DLG2: variants seen among roughly 807,000 people sequenced by gnomAD.
DLG2 encodes discs large MAGUK scaffold protein 2, also known as disks large homolog 2.
Under a neutral mutation model 132.5 loss-of-function variants are expected in DLG2, and 45 were observed. That is an observed-to-expected ratio of 0.34 (90% confidence interval 0.27 to 0.44). The LOEUF is 0.44. DLG2 is among the 20% of genes least tolerant of loss of function. The pLI is 1.00. For missense variants in DLG2, 1,045 were observed against 1,196.9 expected, an observed-to-expected ratio of 0.87 and a Z score of 1.87; for synonymous variants, 424 against 419.6, an observed-to-expected ratio of 1.01 and a Z score of -0.13.
At chr11:84,451,550 G>A (rs923828449) in intron 7 of DLG2, among the ~76,000 whole-genome samples, 4 of 151,700 alleles carry the variant, frequency 2.6e-5, no homozygotes, top group Non-Finnish European at 5.9e-5. Context: ...TGGAAAACTC[G>A]GGAGTATATA....
rs374494070 is a variant in DLG2, at chr11:83,860,737, G to A, written c.1565+13683C>T. 1.6e-3 allele frequency among the ~76,000 whole-genome samples: 247 copies of A among 152,290 alleles called. 1 individual carries two copies. The highest frequency in any genetic ancestry group is 5.0e-3 in the African/African-American group (207 of 41,558). On this transcript the variant is annotated intron_variant, in intron 16 of 27. Transcript: ENST00000376104. ...ACATGACATTTGGAAGGGGCCAGGC[G>A]TGGAATAATATGGCTTCACTGTGTC...
chr11:84,206,575 G>T (rs114191730), intron 8 of DLG2, among the ~76,000 whole-genome samples: 21 of 152,094 alleles, frequency 1.4e-4, no homozygotes, highest in African/African-American at 4.8e-4. Context: ...AAGAATACAA[G>T]GTGGGCTTAA....
At chr11:84,709,392 T>A (rs1228722721) in intron 6 of DLG2, among the ~76,000 whole-genome samples, 1 of 151,970 alleles carries the variant, frequency 6.6e-6, no homozygotes, top group African/African-American at 2.4e-5. Context: ...GGACTACATC[T>A]GAGAGAGTAA....
At chr11:83,683,928 C>A (rs1299920366) in intron 18 of DLG2, among the ~76,000 whole-genome samples, 1 of 152,110 alleles carries the variant, frequency 6.6e-6, no homozygotes, top group Non-Finnish European at 1.5e-5. Flanking sequence ...GCCCAGCTCA[C>A]TAGCTTCTCT....
intron 9 of DLG2, among the ~76,000 whole-genome samples, chr11:84,120,970 T>G (rs1201250791): frequency 6.6e-6 from 1 of 152,260 alleles, no homozygotes; most frequent in Non-Finnish European, 1.5e-5. Flanking sequence ...GATTGTAAGC[T>G]ACAACACTAC....
chr11:85,284,452 T>A (rs72950152), intron 4 of DLG2, among the ~76,000 whole-genome samples: 7,292 of 151,842 alleles, frequency 0.048, 223 homozygotes, highest in East Asian at 0.094. Flanking sequence ...AAACATCGAG[T>A]TGGCTACATG....
At chr11:84,043,014 A>T (rs1403047677) in intron 11 of DLG2, among the ~76,000 whole-genome samples, 2 of 151,824 alleles carry the variant, frequency 1.3e-5, no homozygotes, top group African/African-American at 4.8e-5. Context: ...TTAGTTGACT[A>T]CTGCTTATAT....
intron 7 of DLG2, among the ~76,000 whole-genome samples, chr11:84,287,405 G>A (rs976755485): frequency 1.3e-5 from 2 of 152,068 alleles, no homozygotes; most frequent in African/African-American, 2.4e-5. Flanking sequence ...GATAGTGTTG[G>A]GGGGCCAGGG....
chr11:85,157,985 CT>C (rs1205584657), intron 4 of DLG2, among the ~76,000 whole-genome samples: 5 of 152,066 alleles, frequency 3.3e-5, no homozygotes, highest in Admixed American at 3.3e-4. Context: ...ACACCCTCCC[CT>C]GAGGCAGTTG....
chr11:84,376,300 T>C (rs2098728682), intron 7 of DLG2, among the ~76,000 whole-genome samples: 1 of 152,000 alleles, frequency 6.6e-6, no homozygotes, highest in Admixed American at 6.6e-5. Context: ...AGGATAGGCT[T>C]GTTATTTATC....
At chr11:85,519,144 A>G (rs191359713) in intron 3 of DLG2, among the ~76,000 whole-genome samples, 1 of 152,266 alleles carries the variant, frequency 6.6e-6, no homozygotes, top group Admixed American at 6.5e-5. Context: ...CAGAGTCCCT[A>G]CTGGGGCACT....
chr11:83,869,289 G>A (rs904840103), intron 16 of DLG2, among the ~76,000 whole-genome samples: 4 of 152,058 alleles, frequency 2.6e-5, no homozygotes, highest in Non-Finnish European at 4.4e-5. Flanking sequence ...TGGGAAATCT[G>A]AAGCACATTA....
At chr11:85,529,017 G>C (rs957347760) in intron 3 of DLG2, among the ~76,000 whole-genome samples, 3 of 152,188 alleles carry the variant, frequency 2.0e-5, no homozygotes, top group Admixed American at 2.0e-4. Context: ...ATGAAGTATA[G>C]CTGTATGCAA....
intron 15 of DLG2, among the ~76,000 whole-genome samples, chr11:83,889,064 A>G (rs2154083507): frequency 6.6e-6 from 1 of 152,314 alleles, no homozygotes; most frequent in South Asian, 2.1e-4. Context: ...TTCATGTCTA[A>G]AACACCAAAA....
At chr11:84,601,455 C>T (rs931477621) in intron 6 of DLG2, among the ~76,000 whole-genome samples, 5 of 152,016 alleles carry the variant, frequency 3.3e-5, no homozygotes, top group African/African-American at 1.2e-4. Flanking sequence ...ATTTCATCTC[C>T]AGTAATTTAT....
At chr11:84,323,720 CTTTTTTTT>C (rs35283044) in intron 7 of DLG2, among the ~76,000 whole-genome samples, 243 of 123,776 alleles carry the variant, frequency 2.0e-3, no homozygotes, top group African/African-American at 6.8e-3. Flanking sequence ...TTCTTTTTTC[CTTTTTTTT>C]TTTTTTTTTT....
At chr11:83,652,690 G>C (rs922683277) in intron 18 of DLG2, among the ~76,000 whole-genome samples, 2 of 152,134 alleles carry the variant, frequency 1.3e-5, no homozygotes, top group African/African-American at 4.8e-5. Context: ...TGTTTTTTAA[G>C]TGTGTTGTCT....
At chr11:84,922,324 T>G (rs1455407904) in intron 6 of DLG2, among the ~76,000 whole-genome samples, 29 of 152,210 alleles carry the variant, frequency 1.9e-4, no homozygotes, top group Admixed American at 1.9e-3. Context: ...ACTTAAATTA[T>G]GCAACTGGAA....
intron 5 of DLG2, among the ~76,000 whole-genome samples, chr11:85,126,611 T>C (rs1366579675): frequency 6.6e-6 from 1 of 152,152 alleles, no homozygotes; most frequent in African/African-American, 2.4e-5. Flanking sequence ...ACATTTTTTT[T>C]CTGATACATC....
Sources: allele counts gnomAD v4.1 joint callset (sites outside exome capture counted in the v4.1 genomes callset), GRCh38; gene constraint gnomAD v4.1.1; transcripts MANE v1.5; gene names NCBI Gene and HGNC (gene_info 2026-07-23, HGNC 2026-07-21).